The following ULK2 variants were observed in gnomAD, a reference collection of about 807,000 sequenced individuals.
The protein encoded by ULK2 is unc-51 like autophagy activating kinase 2, also known as serine/threonine-protein kinase ULK2.
Under a neutral mutation model 127.5 loss-of-function variants are expected in ULK2, and 76 were observed. The ratio of observed to expected loss-of-function variants is 0.60; its 90% confidence interval spans 0.50 to 0.72. The LOEUF (loss-of-function observed/expected upper bound fraction) is 0.72. ULK2 is among the 30% of genes least tolerant of loss of function. The pLI, the probability that ULK2 is intolerant of heterozygous loss-of-function variation, is 0.00. For synonymous variants in ULK2, 452 were observed against 461.9 expected (o/e 0.98, Z 0.28); for missense variants, 1,144 against 1,295.9 (o/e 0.88, Z 1.80).
At chr17:19,804,859 A>G in intron 14 of ULK2, 29 bp from the exon 15 acceptor site, 4 of 1,606,392 alleles carry the variant, frequency 2.5e-6, no homozygotes, top group Non-Finnish European at 3.4e-6. Context: ...GAAAAAGGAA[A>G]GAAACAGTGG....
rs1251559343 is a variant in ULK2 at position 19,797,322 on chromosome 17, C to T, written c.1809+74G>A. On this transcript the variant is annotated intron_variant, in intron 18 of 26. Coordinates refer to ENST00000395544, the MANE Select transcript of ULK2 (RefSeq NM_014683.4). Reference sequence around the variant, plus strand: ...AAAAAATAAAATAAAAAAATTATAGCTATTCTCATAATGAATCCTTTCCAT... The same window carrying T: ...AAAAAATAAAATAAAAAAATTATAGTTATTCTCATAATGAATCCTTTCCAT... 2.1e-6 allele frequency: 3 copies of T among 1,427,398 alleles called. No individual in the cohort carries two copies. The African/African-American group carries it at 4.4e-5, about 21-fold the overall frequency. 88.4% of individuals were successfully genotyped at this position (1,427,398 alleles called of 1,614,324 possible).
At position 19,867,616 on chromosome 17, in the gene ULK2, A is replaced by AGGCCCGGCCCGGCCCCTGCCGCTCAT. The variant is rs1417920762; in HGVS notation, c.-225_-200dup. On this transcript the variant is annotated 5_prime_UTR_variant, in exon 1 of 27. It adds an upstream start codon to the 5' untranslated region. Transcript: ENST00000395544. Reference sequence around the variant, plus strand: ...CTGCCGCGCGGAGCCAGGGTCAGCGAGGCCCGGCCCGGCCCCTGCCGCTCA... The same window carrying AGGCCCGGCCCGGCCCCTGCCGCTCAT: ...CTGCCGCGCGGAGCCAGGGTCAGCGAGGCCCGGCCCGGCCCCTGCCGCTCATGGCCCGGCCCGGCCCCTGCCGCTCA... 3.5e-6 allele frequency: 1 copy of AGGCCCGGCCCGGCCCCTGCCGCTCAT among 282,726 alleles called. No individual in the cohort carries two copies. The highest frequency in any genetic ancestry group is 2.3e-5 in the African/African-American group (1 of 44,226). The allele number at this position is 282,726 out of a possible 1,614,324, so 17.5% of individuals were successfully genotyped here.
At chr17:19,780,335 T>A in intron 25 of ULK2, 137 bp downstream of exon 25, 1 of 689,690 alleles carries the variant, frequency 1.4e-6, no homozygotes, top group Non-Finnish European at 2.2e-6. Context: ...CAATTACTTC[T>A]TTAGTAGAAG....
chr17:19,838,475 A>G (rs1371145236), intron 10 of ULK2, 26 bp downstream of exon 10: 12 of 1,575,176 alleles, frequency 7.6e-6, no homozygotes, highest in Non-Finnish European at 1.0e-5. Context: ...ATTAGAAAAC[A>G]TGCAAAAGTT....
chr17:19,819,639 C>A (rs926024659), intron 12 of ULK2, among the ~76,000 whole-genome samples: 1 of 152,172 alleles, frequency 6.6e-6, no homozygotes, highest in Non-Finnish European at 1.5e-5. Context: ...CATGCCTGTA[C>A]GTTAACTCAT....
At chr17:19,794,837 G>A (rs988408190) in intron 20 of ULK2, among the ~76,000 whole-genome samples, 9 of 152,070 alleles carry the variant, frequency 5.9e-5, no homozygotes, top group African/African-American at 2.2e-4. Context: ...AGAACACTTT[G>A]GGAGGCTGAG....
intron 25 of ULK2, among the ~76,000 whole-genome samples, chr17:19,779,318 G>A (rs1335564226): frequency 6.6e-6 from 1 of 151,906 alleles, no homozygotes; most frequent in Non-Finnish European, 1.5e-5. Context: ...ATCACCTGAG[G>A]TCAAGAGTTC....
intron 13 of ULK2, among the ~76,000 whole-genome samples, chr17:19,814,442 T>TC: frequency 8.9e-5 from 1 of 11,286 alleles, no homozygotes; most frequent in African/African-American, 3.0e-4. Flanking sequence ...ATATATATTT[T>TC]TTTTTTTTTT....
At position 19,781,970 on chromosome 17, in the gene ULK2, A is replaced by G; in HGVS notation, c.2558T>C (p.Leu853Pro). The G allele has an allele frequency of 6.2e-7, 1 of 1,614,256 alleles. No individual in the cohort carries two copies. Residue 853 changes from leucine (L) to proline (P), a missense_variant, in exon 23 of 27, where the codon CTG (leucine) becomes CCG (proline). Transcript: ENST00000395544. ...LTAMRGGNPE[L>P]CTSAVSLYQI... ...GTACAAGGACACAGCAGATGTGCAC[A>G]GCTCAGGGTTTCCTCCCCTCATGGC...
chr17:19,811,908 G>A (rs1362508798), intron 13 of ULK2, among the ~76,000 whole-genome samples: 1 of 152,144 alleles, frequency 6.6e-6, no homozygotes. Context: ...GAGTTCTTTT[G>A]ATACCATGTT....
intron 12 of ULK2, among the ~76,000 whole-genome samples, chr17:19,823,376 AC>A (rs2041208806): frequency 6.6e-6 from 1 of 151,780 alleles, no homozygotes; most frequent in Non-Finnish European, 1.5e-5. Context: ...ACCAACAAAA[AC>A]CCCAAAATGC....
chr17:19,802,609 A>T (rs2087424288), intron 15 of ULK2, among the ~76,000 whole-genome samples: 2 of 152,222 alleles, frequency 1.3e-5, no homozygotes, highest in South Asian at 4.1e-4. Flanking sequence ...AAGAATATGA[A>T]GAGGATCCAG....
intron 12 of ULK2, among the ~76,000 whole-genome samples, chr17:19,819,671 T>A (rs890316102): frequency 1.3e-5 from 2 of 152,194 alleles, no homozygotes; most frequent in Admixed American, 1.3e-4. Context: ...TCCAAAGCAC[T>A]GCTCCCCAAG....
At chr17:19,782,102 G>T in intron 22 of ULK2, 35 bp from the exon 23 acceptor site, 2 of 1,602,860 alleles carry the variant, frequency 1.2e-6, no homozygotes, top group Non-Finnish European at 1.7e-6. Flanking sequence ...GAAAATTTCA[G>T]ATTAAAAATA....
chr17:19,843,068 CTA>C, intron 8 of ULK2, 51 bp downstream of exon 8: 1 of 1,368,812 alleles, frequency 7.3e-7, no homozygotes, highest in South Asian at 1.2e-5. Context: ...TCAAACGCAA[CTA>C]TAAAATGACA....
intron 21 of ULK2, chr17:19,784,119 C>T: frequency 2.5e-6 from 1 of 395,642 alleles, no homozygotes; most frequent in Non-Finnish European, 4.3e-6. Context: ...TATTAGACAT[C>T]ATCAGAGCTA....
intron 10 of ULK2, among the ~76,000 whole-genome samples, chr17:19,835,530 C>T (rs1474596218): frequency 2.7e-5 from 4 of 149,340 alleles, no homozygotes; most frequent in Non-Finnish European, 6.0e-5. Flanking sequence ...TCCTGGCTAA[C>T]ACGGTGAAAC....
At chr17:19,790,945 G>C (rs1459291513) in intron 20 of ULK2, among the ~76,000 whole-genome samples, 2 of 152,232 alleles carry the variant, frequency 1.3e-5, no homozygotes, top group Admixed American at 1.3e-4. Context: ...GGGTCAATTC[G>C]GCAAGAGGAT....
chr17:19,866,743 T>C (rs2042358851), intron 1 of ULK2, among the ~76,000 whole-genome samples: 1 of 152,186 alleles, frequency 6.6e-6, no homozygotes, highest in Non-Finnish European at 1.5e-5. Context: ...GGTGATTTCA[T>C]GTTCAAGGTG....
Sources: allele counts gnomAD v4.1 joint callset (sites outside exome capture counted in the v4.1 genomes callset), GRCh38; gene constraint gnomAD v4.1.1; transcripts MANE v1.5; gene names NCBI Gene and HGNC (gene_info 2026-07-23, HGNC 2026-07-21).